The following RFC3 variants were observed in gnomAD, a reference collection of about 807,000 sequenced individuals.
RFC3 encodes replication factor C subunit 3, also known as A1 38 kDa subunit.
RFC3 carries 41 observed loss-of-function variants against 45.1 expected under a neutral mutation model. That is an observed-to-expected ratio of 0.91 (90% CI 0.71 to 1.18). The LOEUF (loss-of-function observed/expected upper bound fraction) is 1.18. Among genes scored for constraint, RFC3 ranks in the 50% most tolerant of loss-of-function variants. The pLI is 0.00. For synonymous variants in RFC3, 149 were observed against 144.0 expected (o/e 1.03, Z -0.25); for missense variants, 423 against 428.1 (o/e 0.99, Z 0.10).
chr13:33,895,976 A>G (rs1346788136), intron 8 of RFC3, among the ~76,000 whole-genome samples: 1 of 152,152 alleles, frequency 6.6e-6, no homozygotes, highest in Non-Finnish European at 1.5e-5. Context: ...AAAGGCATAC[A>G]CAGTGGTATA....
Position 33,942,446 on chromosome 13 carries a change from C to T in RFC3, c.880-23641C>T, listed in dbSNP as rs149745719. Reference sequence around the variant, plus strand: ...TAATTGGGGTATCCATTGCCTCAAGCCTTTATCATTTCTTTGTGTTAGGAA... The same window carrying T: ...TAATTGGGGTATCCATTGCCTCAAGTCTTTATCATTTCTTTGTGTTAGGAA... On this transcript the variant is annotated intron_variant, in intron 8 of 8. Transcript: ENST00000434425. 1.6e-3 allele frequency among the ~76,000 whole-genome samples: 247 copies of T among 152,096 alleles called. 10 individuals are homozygous for T. In the East Asian group the frequency reaches 0.044, roughly 27 times the overall value.
chr13:33,947,426 C>T (rs2082961138), intron 8 of RFC3, among the ~76,000 whole-genome samples: 2 of 152,158 alleles, frequency 1.3e-5, no homozygotes, highest in South Asian at 4.1e-4. Context: ...ATAAATTACC[C>T]AGTCTCTAGC....
At chr13:33,826,491 G>A (rs915142302) in intron 4 of RFC3, among the ~76,000 whole-genome samples, 3 of 152,118 alleles carry the variant, frequency 2.0e-5, no homozygotes, top group African/African-American at 7.2e-5. Flanking sequence ...CTTCTTTAGT[G>A]AGTGTGATAA....
chr13:33,885,494 T>C (rs1267179420), intron 8 of RFC3, among the ~76,000 whole-genome samples: 1 of 152,112 alleles, frequency 6.6e-6, no homozygotes, highest in Non-Finnish European at 1.5e-5. Context: ...CCTCCTCCCC[T>C]CCCAGCCATC....
At chr13:33,857,201 T>C (rs2082313539) in intron 8 of RFC3, among the ~76,000 whole-genome samples, 1 of 152,194 alleles carries the variant, frequency 6.6e-6, no homozygotes, top group Non-Finnish European at 1.5e-5. Flanking sequence ...TTATAGATGT[T>C]TGGTTATTGG....
chr13:33,927,008 A>T (rs1407284357), intron 8 of RFC3, among the ~76,000 whole-genome samples: 1 of 152,042 alleles, frequency 6.6e-6, no homozygotes, highest in Non-Finnish European at 1.5e-5. Context: ...AGTGAAGTAT[A>T]GGAAAGTTTT....
At chr13:33,951,777 G>T (rs1593715041) in intron 8 of RFC3, among the ~76,000 whole-genome samples, 1 of 152,218 alleles carries the variant, frequency 6.6e-6, no homozygotes, top group East Asian at 1.9e-4. Context: ...AATAATAGCT[G>T]CTATTTACTA....
chr13:33,831,310 G>A lies in RFC3; in HGVS notation c.765G>A (p.Leu255=), dbSNP rs9598144. The A allele has an allele frequency of 1.8e-4, 284 of 1,611,358 alleles. No individual in the cohort carries two copies. In the African/African-American group the frequency reaches 3.4e-3, roughly 20 times the overall value. The change falls in exon 7 of 9, where the codon CTG becomes CTA. Residue 255 remains leucine (L), a synonymous_variant. Transcript: ENST00000380071. The part of the protein sequence containing the change: ...EIPETDWEVY[L]RETANAIVSQ... ...CTGAGACAGATTGGGAGGTGTATCT[G>A]AGGGAGACTGCAAATGCTATTGTCA...
At chr13:33,914,685 TC>T (rs1202240285) in intron 8 of RFC3, among the ~76,000 whole-genome samples, 3 of 152,134 alleles carry the variant, frequency 2.0e-5, no homozygotes, top group Non-Finnish European at 4.4e-5. Context: ...AAATTATATG[TC>T]CAATGCTAAA....
chr13:33,922,788 A>G (rs563747400), intron 8 of RFC3, among the ~76,000 whole-genome samples: 202 of 152,288 alleles, frequency 1.3e-3, no homozygotes, highest in African/African-American at 4.4e-3. Flanking sequence ...TTCAAACCCA[A>G]TTCAGCCAGT....
chr13:33,818,241 G>T lies in RFC3; in HGVS notation c.63G>T (p.Glu21Asp). The change falls in exon 1 of 9, where the codon GAG (glutamate) becomes GAT (aspartate). Residue 21 changes from glutamate (E) to aspartate (D), a missense_variant. Physicochemically the swap from Glu to Asp is conservative, Grantham distance 45 (BLOSUM62 2). Transcript: ENST00000380071. ...CSLGRLDYHK[E>D]QAAQLRNLVQ... ...TGGGACGGCTGGACTATCACAAGGA[G>T]CAGGCGGCCCAGCTGCGGAACCTGG... 1 of 1,613,612 alleles carries T rather than the reference G, an allele frequency of 6.2e-7. No individual in the cohort carries two copies. Among genetic ancestry groups the T allele is most frequent in the Non-Finnish European group, 8.5e-7 (1 of 1,179,942 alleles).
intron 8 of RFC3, among the ~76,000 whole-genome samples, chr13:33,881,433 A>G (rs778768023): frequency 6.6e-6 from 1 of 152,176 alleles, no homozygotes; most frequent in Non-Finnish European, 1.5e-5. Flanking sequence ...GGATGCTTAC[A>G]CTGCGAGGAG....
chr13:33,952,908 G>A (rs891187325), intron 8 of RFC3, among the ~76,000 whole-genome samples: 3 of 152,018 alleles, frequency 2.0e-5, no homozygotes, highest in Non-Finnish European at 2.9e-5. Context: ...AGATCTGTTC[G>A]CAGAAGCTAC....
chr13:33,944,907 A>G (rs1832773076), intron 8 of RFC3, among the ~76,000 whole-genome samples: 2 of 152,214 alleles, frequency 1.3e-5, no homozygotes, highest in Admixed American at 6.5e-5. Context: ...GGAAACAACC[A>G]GAAGACTTAA....
chr13:33,874,082 C>T (rs139671603), intron 8 of RFC3, among the ~76,000 whole-genome samples: 29 of 152,288 alleles, frequency 1.9e-4, no homozygotes, highest in African/African-American at 6.5e-4. Flanking sequence ...TTGGGAATAA[C>T]TTTAATTTAT....
intron 8 of RFC3, among the ~76,000 whole-genome samples, chr13:33,850,988 A>G (rs2082273039): frequency 6.6e-6 from 1 of 152,180 alleles, no homozygotes; most frequent in Admixed American, 6.6e-5. Flanking sequence ...GGAAGGGTAT[A>G]AAACTTAAAT....
chr13:33,917,025 T>C (rs1349948917), intron 8 of RFC3, among the ~76,000 whole-genome samples: 1 of 152,140 alleles, frequency 6.6e-6, no homozygotes, highest in East Asian at 1.9e-4. Context: ...CTGTGCTAAA[T>C]TTCAAGCTCC....
At chr13:33,921,569 A>G (rs1389849096) in intron 8 of RFC3, among the ~76,000 whole-genome samples, 1 of 152,136 alleles carries the variant, frequency 6.6e-6, no homozygotes, top group Admixed American at 6.5e-5. Context: ...TGCATTTGTT[A>G]CATAAACTGC....
At chr13:33,826,464 G>A (rs2082050028) in intron 4 of RFC3, among the ~76,000 whole-genome samples, 2 of 152,262 alleles carry the variant, frequency 1.3e-5, no homozygotes, top group Middle Eastern at 3.4e-3. Context: ...TTTGAGTGGA[G>A]AAGATAGTGT....
Sources: allele counts gnomAD v4.1 joint callset (sites outside exome capture counted in the v4.1 genomes callset), GRCh38; gene constraint gnomAD v4.1.1; transcripts MANE v1.5; gene names NCBI Gene and HGNC (gene_info 2026-07-23, HGNC 2026-07-21).